The following RRP12 variants were observed in gnomAD, a reference collection of about 807,000 sequenced individuals.
RRP12 encodes the protein RRP12-like protein.
In RRP12, 78 loss-of-function variants were observed where a neutral mutation model predicts 157.3. The ratio of observed to expected loss-of-function variants is 0.50; its 90% confidence interval spans 0.41 to 0.60. RRP12 has a LOEUF of 0.60. Among genes scored for constraint, RRP12 ranks in the 20% least tolerant of loss-of-function variants. The pLI, the probability that RRP12 is intolerant of heterozygous loss-of-function variation, is 0.00. For missense variants in RRP12, 1,521 were observed against 1,679.9 expected, an observed-to-expected ratio of 0.91 and a Z score of 1.65; for synonymous variants, 726 against 670.9, an observed-to-expected ratio of 1.08 and a Z score of -1.27.
At chr10:97,399,955 A>C (rs1339564387) in intron 2 of RRP12, among the ~76,000 whole-genome samples, 1 of 127,448 alleles carries the variant, frequency 7.8e-6, no homozygotes, top group East Asian at 2.1e-4. Context: ...TAAAGTAAAT[A>C]AATTTAGTTC....
At chr10:97,382,364 C>T (rs949109477) in intron 10 of RRP12, among the ~76,000 whole-genome samples, 3 of 152,142 alleles carry the variant, frequency 2.0e-5, no homozygotes, top group Non-Finnish European at 4.4e-5. Flanking sequence ...AGGCTAGTCT[C>T]GACCTTCTGG....
Position 97,386,083 on chromosome 10 carries a change from A to G in RRP12, c.1018-90T>C. 3.7e-6 allele frequency: 3 copies of G among 815,598 alleles called. No individual in the cohort carries two copies. In the South Asian group the frequency reaches 4.5e-5, roughly 12 times the overall value. The allele number at this position is 815,598 out of a possible 1,614,324, so 50.5% of individuals were successfully genotyped here. A position where few individuals can be genotyped will look rare whatever the true frequency, so the allele number is the denominator to read the frequency against. ...ACTCCACCTGTGTGCTAGGGAGTTG[A>G]GGGCCCCCTGAACCTCACACATGCC... On this transcript the variant is annotated intron_variant, in intron 8 of 33. Transcript: ENST00000370992.
At chr10:97,360,188 C>T (rs368163162) in intron 31 of RRP12, among the ~76,000 whole-genome samples, 1 of 152,236 alleles carries the variant, frequency 6.6e-6, no homozygotes, top group African/African-American at 2.4e-5. Flanking sequence ...TTCTCTAAAC[C>T]CAGCCTGACT....
intron 2 of RRP12, among the ~76,000 whole-genome samples, chr10:97,396,913 C>T (rs1412550152): frequency 2.0e-5 from 3 of 150,488 alleles, no homozygotes; most frequent in African/African-American, 7.3e-5. Flanking sequence ...TACAGGTGTG[C>T]ACCACCATGC....
At position 97,372,730 on chromosome 10, in the gene RRP12, T is replaced by C. The variant is rs768567527; in HGVS notation, c.2249+6A>G. 6.4e-6 allele frequency: 10 copies of C among 1,556,944 alleles called. No homozygotes were observed. Among genetic ancestry groups the C allele is most frequent in the South Asian group, 2.4e-5 (2 of 84,408 alleles). The stretch of plus-strand genomic sequence containing the variant: ...CAGCTCAAGTGGGAGGCCCTGAGCA[T>C]GTTACCTGGTAAAGTCAGAGCTGGC... On this transcript the variant is annotated splice_donor_region_variant and intron_variant, in intron 19 of 33. Coordinates refer to ENST00000370992, the MANE Select transcript of RRP12 (RefSeq NM_015179.4).
At chr10:97,363,697 A>G (rs1228207439) in intron 30 of RRP12, among the ~76,000 whole-genome samples, 157 bp downstream of exon 30, 1 of 152,172 alleles carries the variant, frequency 6.6e-6, no homozygotes, top group African/African-American at 2.4e-5. Context: ...CCTGGCACCC[A>G]CAACCTTCTG....
rs751509031 is a variant in RRP12, at chr10:97,358,596, C to G, written c.3732G>C (p.Lys1244Asn). ...AGGCATAGGGATCCGGCCGGCCTTT[C>G]TTCTTCACATCACCTTTTGCTTTCT... ...KAKKAKGDVKKKGRPDPYAYI... is the reference protein window; with the variant it reads ...KAKKAKGDVKNKGRPDPYAYI... Residue 1244 changes from lysine to asparagine, a missense_variant, in exon 33 of 34, where the codon AAG becomes AAC. Lys to Asn is a moderately conservative substitution (Grantham distance 94). Transcript: ENST00000370992. 1 of 1,613,934 alleles carries G rather than the reference C, an allele frequency of 6.2e-7. No individual in the cohort carries two copies. The highest frequency in any genetic ancestry group is 8.5e-7 in the Non-Finnish European group (1 of 1,179,902).
At chr10:97,382,730 T>C (rs1434055932) in intron 10 of RRP12, among the ~76,000 whole-genome samples, 1 of 151,976 alleles carries the variant, frequency 6.6e-6, no homozygotes, top group African/African-American at 2.4e-5. Flanking sequence ...GTTCTTTCCA[T>C]ATAAGTGCAC....
chr10:97,393,281 G>T, intron 4 of RRP12: 2 of 447,606 alleles, frequency 4.5e-6, no homozygotes, highest in Non-Finnish European at 4.5e-6. Flanking sequence ...ATTCTGTCAT[G>T]AACACACTGA....
intron 1 of RRP12, among the ~76,000 whole-genome samples, chr10:97,400,813 G>A (rs1364221812): frequency 6.6e-6 from 1 of 152,068 alleles, no homozygotes; most frequent in Non-Finnish European, 1.5e-5. Flanking sequence ...AATAAATGAA[G>A]GTGAACGCGC....
At chr10:97,364,737 G>A (rs1436879415) in intron 29 of RRP12, among the ~76,000 whole-genome samples, 1 of 152,148 alleles carries the variant, frequency 6.6e-6, no homozygotes, top group African/African-American at 2.4e-5. Context: ...ACATGACCAA[G>A]GGCTGAAGAC....
At chr10:97,387,130 A>T (rs1463872341) in intron 8 of RRP12, among the ~76,000 whole-genome samples, 1 of 152,156 alleles carries the variant, frequency 6.6e-6, no homozygotes, top group African/African-American at 2.4e-5. Context: ...TATAACCTAC[A>T]CGCATCCTCC....
chr10:97,372,079 G>T lies in RRP12; in HGVS notation c.2337C>A (p.Tyr779Ter). The change falls in exon 20 of 34, where the codon TAC (tyrosine) becomes TAA (stop). Residue 779 changes from tyrosine to a stop codon, truncating the protein, a stop_gained. Coordinates refer to ENST00000370992, the MANE Select transcript of RRP12 (RefSeq NM_015179.4). LOFTEE classifies it high-confidence loss of function. ...CCTGGCCCCCGAGGCTCACCTCTAG[G>T]TAGGGCCGGATGGTGGAGTATAGCT... ...ISKLYSTIRP[Y>*]LESKAHGVQK... 1 of 1,612,548 alleles carries T rather than the reference G, an allele frequency of 6.2e-7. No individual in the cohort carries two copies. Among genetic ancestry groups the T allele is most frequent in the Non-Finnish European group, 8.5e-7 (1 of 1,179,080 alleles).
chr10:97,398,025 A>ATG, intron 2 of RRP12, among the ~76,000 whole-genome samples: 1 of 96,392 alleles, frequency 1.0e-5, no homozygotes, highest in East Asian at 2.7e-4. Flanking sequence ...ATATATATGT[A>ATG]TATATATATA....
chr10:97,379,317 G>C lies in RRP12; in HGVS notation c.1774C>G (p.Leu592Val), dbSNP rs1844396679. 1.2e-6 allele frequency: 2 copies of C among 1,613,984 alleles called. No homozygotes were observed. Among genetic ancestry groups the C allele is most frequent in the South Asian group, 2.2e-5 (2 of 91,080 alleles). The change falls in exon 15 of 34, where the codon CTG (leucine) becomes GTG (valine). Residue 592 changes from leucine (L) to valine (V), a missense_variant. Coordinates refer to ENST00000370992, the MANE Select transcript of RRP12 (RefSeq NM_015179.4). Reference sequence around the variant, plus strand: ...CCTTTGCTCTTCAGGGTGTTAGCCAGGGGCAAGAAGTAGGTGGTGAAAAAA... The same window carrying C: ...CCTTTGCTCTTCAGGGTGTTAGCCACGGGCAAGAAGTAGGTGGTGAAAAAA... ...LGFFTTYFLP[L>V]ANTLKSKAMD...
At chr10:97,367,017 C>T (rs1378158577) in intron 26 of RRP12, 24 bp downstream of exon 26, 2 of 1,613,162 alleles carry the variant, frequency 1.2e-6, no homozygotes, top group East Asian at 2.2e-5. Flanking sequence ...TTGCCCTACC[C>T]CCGCCCCTGC....
intron 18 of RRP12, 33 bp from the exon 19 acceptor site, chr10:97,372,836 T>G (rs1221130300): frequency 1.3e-6 from 2 of 1,544,616 alleles, no homozygotes; most frequent in East Asian, 2.4e-5. Flanking sequence ...GAGAAGAGAG[T>G]CATTGGGGAG....
chr10:97,360,331 C>T (rs956329668), intron 31 of RRP12, among the ~76,000 whole-genome samples: 3 of 152,160 alleles, frequency 2.0e-5, no homozygotes, highest in Admixed American at 6.5e-5. Flanking sequence ...TGGTTCCATG[C>T]ACAGATCTCC....
In RRP12 at chr10:97,388,489, C is replaced by T. The variant is rs757846301; in HGVS notation, c.889G>A (p.Gly297Ser). The T allele has an allele frequency of 1.9e-6, 3 of 1,614,188 alleles. No homozygotes were observed. Among genetic ancestry groups the T allele is most frequent in the African/African-American group, 1.3e-5 (1 of 75,060 alleles). ...CCTGCCCTCCATTTGGGTTCCCCAC[C>T]TCCAGACTTCTCAATCTCCTGGATG... ...FCIQEIEKSG[G>S]SKEATTTLHM... is the part of the protein sequence containing the mutation. The change falls in exon 7 of 34, where the codon GGC becomes AGC. Residue 297 changes from glycine to serine, a missense_variant and splice_region_variant. By Grantham distance (56) the Gly-to-Ser change is moderately conservative (BLOSUM62 0). Transcript: ENST00000370992.
Sources: gnomAD v4.1 joint callset for allele counts (sites outside exome capture counted in the v4.1 genomes callset) on GRCh38, gnomAD v4.1.1 for gene constraint, MANE v1.5 for transcripts, NCBI Gene and HGNC (gene_info 2026-07-23, HGNC 2026-07-21) for gene names.